Variants in ATF3 observed in about 807,000 individuals in gnomAD.
ATF3 encodes cyclic AMP-dependent transcription factor ATF-3.
ATF3 carries 10 observed loss-of-function variants against 18.4 expected under a neutral mutation model. The observed-to-expected ratio is 0.54, with a 90% CI of 0.34 to 0.92. The LOEUF is 0.92. Among genes scored for constraint, ATF3 ranks in the 40% least tolerant of loss-of-function variants. The pLI is 0.02. For synonymous variants in ATF3, 78 were observed against 87.9 expected, an observed-to-expected ratio of 0.89 and a Z score of 0.63; for missense variants, 183 against 222.3, an observed-to-expected ratio of 0.82 and a Z score of 1.12.
At chr1:212,609,375 TGGG>T (rs1192833712) in intron 1 of ATF3, among the ~76,000 whole-genome samples, 4 of 67,270 alleles carry the variant, frequency 5.9e-5, no homozygotes, top group African/African-American at 2.1e-4. Flanking sequence ...CCTTCCCGGG[TGGG>T]GGGGGGGGGG....
chr1:212,594,624 G>A (rs6690528), intron 1 of ATF3, among the ~76,000 whole-genome samples: 3,929 of 152,306 alleles, frequency 0.026, 203 homozygotes, highest in African/African-American at 0.09. Context: ...GAGGGTGGCA[G>A]GGGTACAAGA....
chr1:212,597,451 C>CTATCT (rs1553302898), intron 1 of ATF3, among the ~76,000 whole-genome samples: 6 of 114,344 alleles, frequency 5.2e-5, no homozygotes, highest in Admixed American at 2.9e-4. Context: ...ATCTATCTAT[C>CTATCT]ATCTATCTCT....
upstream of ATF3, among the ~76,000 whole-genome samples, chr1:212,604,924 G>GAAC (rs1316807104): frequency 6.6e-6 from 1 of 152,170 alleles, no homozygotes; most frequent in Non-Finnish European, 1.5e-5. Context: ...CTGTGATGGG[G>GAAC]AACGAGGATG....
At chr1:212,601,045 G>A (rs958737614) in intron 1 of ATF3, among the ~76,000 whole-genome samples, 10 of 152,128 alleles carry the variant, frequency 6.6e-5, no homozygotes, top group Non-Finnish European at 1.3e-4. Flanking sequence ...AGCAGTGTCC[G>A]GTAATAGGAC....
At chr1:212,571,366 G>A (rs1664476559) in intron 1 of ATF3, among the ~76,000 whole-genome samples, 1 of 151,876 alleles carries the variant, frequency 6.6e-6, no homozygotes, top group Non-Finnish European at 1.5e-5. Context: ...TAAATAATCA[G>A]TTAACCCAGA....
At chr1:212,571,734 C>G (rs1233798112) in intron 1 of ATF3, among the ~76,000 whole-genome samples, 2 of 92,692 alleles carry the variant, frequency 2.2e-5, no homozygotes, top group Non-Finnish European at 4.3e-5. Context: ...TTTTTTGAGA[C>G]GGAGTCTGGC....
intron 1 of ATF3, among the ~76,000 whole-genome samples, chr1:212,580,958 A>G (rs1432670189): frequency 1.3e-5 from 2 of 151,858 alleles, no homozygotes; most frequent in East Asian, 3.9e-4. Context: ...TAGTAGAGAC[A>G]GGGTTTCACC....
intron 1 of ATF3, among the ~76,000 whole-genome samples, chr1:212,583,155 C>CT (rs760998068): frequency 7.2e-5 from 11 of 152,186 alleles, no homozygotes; most frequent in Non-Finnish European, 1.6e-4. Context: ...GGCTTCATAG[C>CT]TAGACACTTC....
chr1:212,599,808 C>CA (rs985102201), intron 1 of ATF3, among the ~76,000 whole-genome samples: 1 of 152,182 alleles, frequency 6.6e-6, no homozygotes. Context: ...AAGCTTCTGC[C>CA]AAAATCCAAA....
intron 1 of ATF3, among the ~76,000 whole-genome samples, chr1:212,594,398 T>C (rs3125294): frequency 0.51 from 77,585 of 151,904 alleles, 20,677 homozygotes; most frequent in East Asian, 0.66. Context: ...AGACTATGAA[T>C]GAAACAAACA....
intron 1 of ATF3, among the ~76,000 whole-genome samples, chr1:212,590,577 T>C (rs1222541549): frequency 6.6e-6 from 1 of 152,222 alleles, no homozygotes; most frequent in East Asian, 1.9e-4. Context: ...CACTTCCTTA[T>C]AATCTGATTT....
intron 1 of ATF3, among the ~76,000 whole-genome samples, chr1:212,587,396 A>G (rs189597046): frequency 6.6e-6 from 1 of 152,338 alleles, no homozygotes; most frequent in East Asian, 1.9e-4. Flanking sequence ...TATGTTTTGC[A>G]TTCCAAACAA....
chr1:212,576,069 C>G (rs1006736041), intron 1 of ATF3, among the ~76,000 whole-genome samples: 1 of 152,106 alleles, frequency 6.6e-6, no homozygotes, highest in African/African-American at 2.4e-5. Flanking sequence ...TCTTAAAAAT[C>G]TGGTAAATGT....
intron 1 of ATF3, among the ~76,000 whole-genome samples, chr1:212,611,702 A>G (rs1253558259): frequency 6.6e-6 from 1 of 152,250 alleles, no homozygotes. Context: ...ATGAAAATTA[A>G]AAGTGAAAAT....
intron 1 of ATF3, among the ~76,000 whole-genome samples, chr1:212,581,951 A>C (rs746101073): frequency 2.6e-5 from 4 of 152,224 alleles, no homozygotes; most frequent in Non-Finnish European, 4.4e-5. Context: ...TAAAAAAAGC[A>C]ATTCATAACA....
At chr1:212,605,806 C>T (rs1046226103), upstream of ATF3, among the ~76,000 whole-genome samples, 5 of 152,154 alleles carry the variant, frequency 3.3e-5, no homozygotes, top group African/African-American at 1.2e-4. Flanking sequence ...CAAAACATAC[C>T]AAGGCTGATC....
chr1:212,576,719 TTC>T (rs1491051356), intron 1 of ATF3, among the ~76,000 whole-genome samples: 3,564 of 92,890 alleles, frequency 0.038, 232 homozygotes, highest in East Asian at 0.068. Flanking sequence ...TTCTTTTCTT[TTC>T]TTTTTTTTTT....
At chr1:212,569,723 AT>A (rs1253832239) in intron 1 of ATF3, among the ~76,000 whole-genome samples, 5 of 151,728 alleles carry the variant, frequency 3.3e-5, no homozygotes, top group South Asian at 2.1e-4. Flanking sequence ...AATTAATGTA[AT>A]TTTTTTAATG....
intron 1 of ATF3, among the ~76,000 whole-genome samples, chr1:212,584,041 G>T (rs988060985): frequency 6.6e-5 from 10 of 152,072 alleles, no homozygotes; most frequent in Admixed American, 6.6e-4. Context: ...TATTTACAAG[G>T]GGGAGGAGAT....
Sources: gnomAD v4.1 joint callset for allele counts (sites outside exome capture counted in the v4.1 genomes callset) on GRCh38, gnomAD v4.1.1 for gene constraint, MANE v1.5 for transcripts, NCBI Gene and HGNC (gene_info 2026-07-23, HGNC 2026-07-21) for gene names.